The following SHC4 variants were observed in gnomAD, a reference collection of about 807,000 sequenced individuals.
SHC4 encodes SHC-transforming protein 4.
A neutral mutation model predicts 69.4 loss-of-function variants in SHC4; 41 were observed. The observed-to-expected ratio is 0.59, with a 90% CI of 0.46 to 0.77. The LOEUF is 0.77. Ranked by LOEUF, SHC4 falls within the 30% of genes least tolerant of loss-of-function variation. The probability of loss-of-function intolerance (pLI) is 0.00; values close to 1 mark genes in which losing one functional copy is unlikely to be tolerated. For missense variants in SHC4, 777 were observed against 783.8 expected, an observed-to-expected ratio of 0.99 and a Z score of 0.10; for synonymous variants, 318 against 299.3, an observed-to-expected ratio of 1.06 and a Z score of -0.64.
chr15:48,914,527 G>T (rs1900580614), intron 2 of SHC4, among the ~76,000 whole-genome samples: 1 of 152,122 alleles, frequency 6.6e-6, no homozygotes, highest in African/African-American at 2.4e-5. Context: ...TGTGGCTTTT[G>T]GTTGGAATTT....
At chr15:48,888,359 T>C (rs1595746321) in intron 3 of SHC4, among the ~76,000 whole-genome samples, 1 of 152,088 alleles carries the variant, frequency 6.6e-6, no homozygotes, top group Admixed American at 6.5e-5. Flanking sequence ...ATTAAGCCAG[T>C]CATAAAAGGA....
At chr15:48,871,640 G>C (rs1263320454) in intron 5 of SHC4, among the ~76,000 whole-genome samples, 1 of 152,140 alleles carries the variant, frequency 6.6e-6, no homozygotes, top group Non-Finnish European at 1.5e-5. Flanking sequence ...CTGCAAACCT[G>C]GTTGCTCATT....
intron 9 of SHC4, among the ~76,000 whole-genome samples, chr15:48,849,120 A>G (rs1267746277): frequency 1.3e-5 from 2 of 152,108 alleles, no homozygotes; most frequent in African/African-American, 4.8e-5. Flanking sequence ...TGTAGGTTCG[A>G]CACTCATCTT....
intron 4 of SHC4, among the ~76,000 whole-genome samples, chr15:48,882,355 G>A (rs1899961469): frequency 1.3e-5 from 2 of 152,156 alleles, no homozygotes; most frequent in African/African-American, 2.4e-5. Context: ...CACTCTAGCA[G>A]TGGGCTGAAT....
intron 1 of SHC4, among the ~76,000 whole-genome samples, chr15:48,928,245 G>A (rs1307806775): frequency 6.6e-6 from 1 of 152,116 alleles, no homozygotes; most frequent in African/African-American, 2.4e-5. Flanking sequence ...CTTCATTTTG[G>A]AGTGGCAACA....
intron 1 of SHC4, among the ~76,000 whole-genome samples, chr15:48,926,367 C>T (rs892349040): frequency 6.6e-6 from 1 of 152,126 alleles, no homozygotes; most frequent in African/African-American, 2.4e-5. Flanking sequence ...TTTCCAGCCT[C>T]TCTATGCTTG....
At chr15:48,934,401 T>C (rs942618596) in intron 1 of SHC4, among the ~76,000 whole-genome samples, 3 of 152,100 alleles carry the variant, frequency 2.0e-5, no homozygotes, top group Non-Finnish European at 4.4e-5. Context: ...CTTCACACCC[T>C]CTGGAATGGC....
chr15:48,953,812 C>T (rs943861769), intron 1 of SHC4, among the ~76,000 whole-genome samples: 2 of 152,160 alleles, frequency 1.3e-5, no homozygotes, highest in African/African-American at 4.8e-5. Context: ...CCTTGATGTA[C>T]GAGTAGCTCA....
chr15:48,948,165 T>A (rs551575330), intron 1 of SHC4: 2 of 152,226 alleles, frequency 1.3e-5, no homozygotes, highest in African/African-American at 4.8e-5. Flanking sequence ...ACTCTCTATA[T>A]ATCATTTTCC....
intron 11 of SHC4, among the ~76,000 whole-genome samples, chr15:48,834,404 T>A (rs1226768233): frequency 6.6e-6 from 1 of 152,246 alleles, no homozygotes; most frequent in Non-Finnish European, 1.5e-5. Context: ...CAGCTTTATA[T>A]TATAATTATT....
At chr15:48,904,486 T>C (rs1002029292) in intron 2 of SHC4, among the ~76,000 whole-genome samples, 1 of 152,198 alleles carries the variant, frequency 6.6e-6, no homozygotes, top group Non-Finnish European at 1.5e-5. Context: ...TTCCACATGA[T>C]TGAGAAATCC....
chr15:48,846,936 T>C (rs1459064393), intron 9 of SHC4, among the ~76,000 whole-genome samples: 1 of 151,808 alleles, frequency 6.6e-6, no homozygotes, highest in African/African-American at 2.4e-5. Flanking sequence ...CATCGGTGTT[T>C]ATATCTAGCC....
At chr15:48,849,281 C>A (rs1899159750) in intron 9 of SHC4, among the ~76,000 whole-genome samples, 1 of 152,144 alleles carries the variant, frequency 6.6e-6, no homozygotes, top group Non-Finnish European at 1.5e-5. Context: ...CTTCCTACCT[C>A]CCTCTCTGTG....
At chr15:48,893,310 A>G (rs1900167105) in intron 2 of SHC4, among the ~76,000 whole-genome samples, 1 of 152,216 alleles carries the variant, frequency 6.6e-6, no homozygotes, top group Non-Finnish European at 1.5e-5. Flanking sequence ...AGCATAACAT[A>G]TGGTAGTAGA....
At chr15:48,926,964 A>T (rs183284366) in intron 1 of SHC4, among the ~76,000 whole-genome samples, 5 of 152,212 alleles carry the variant, frequency 3.3e-5, no homozygotes, top group Non-Finnish European at 4.4e-5. Context: ...CTCTGTCCCC[A>T]TCACACTAGT....
intron 1 of SHC4, among the ~76,000 whole-genome samples, chr15:48,950,860 A>T (rs1387545322): frequency 2.6e-5 from 4 of 152,052 alleles, no homozygotes; most frequent in African/African-American, 7.3e-5. Context: ...TAGGAGTAGG[A>T]AGACAAAAGA....
intron 3 of SHC4, 59 bp from the exon 4 acceptor site, chr15:48,884,426 G>A (rs1595745108): frequency 7.0e-7 from 1 of 1,436,816 alleles, no homozygotes; most frequent in East Asian, 2.5e-5. Flanking sequence ...CAGAATAAAT[G>A]TTAATGTTTT....
chr15:48,919,295 A>ATTTTTTTTTTTTTTTTTTTTTTTT (rs386382928), intron 2 of SHC4, among the ~76,000 whole-genome samples: 1,821 of 71,186 alleles, frequency 0.026, 410 homozygotes, highest in Non-Finnish European at 0.035. Flanking sequence ...ATTTATTTTA[A>ATTTTTTTTTTTTTTTTTTTTTTTT]TTTTTTTTTT....
chr15:48,904,113 A>G (rs1260473696), intron 2 of SHC4, among the ~76,000 whole-genome samples: 1 of 152,220 alleles, frequency 6.6e-6, no homozygotes, highest in Admixed American at 6.5e-5. Context: ...TCTTAAACCC[A>G]GGATTAAACA....
Sources: allele counts gnomAD v4.1 joint callset (sites outside exome capture counted in the v4.1 genomes callset), GRCh38; gene constraint gnomAD v4.1.1; transcripts MANE v1.5; gene names NCBI Gene and HGNC (gene_info 2026-07-23, HGNC 2026-07-21).